The following FRMD4B variants were observed in gnomAD, a reference collection of about 807,000 sequenced individuals.
The protein encoded by FRMD4B is FERM domain-containing protein 4B.
FRMD4B carries 74 observed loss-of-function variants against 141.5 expected under a neutral mutation model. The observed-to-expected ratio is 0.52, with a 90% CI of 0.43 to 0.63. The LOEUF (loss-of-function observed/expected upper bound fraction) is 0.63. FRMD4B is among the 30% of genes least tolerant of loss of function. The probability of loss-of-function intolerance (pLI) is 0.00; values close to 1 mark genes in which losing one functional copy is unlikely to be tolerated. For missense variants in FRMD4B, 1,366 were observed against 1,253.4 expected, an observed-to-expected ratio of 1.09 and a Z score of -1.36; for synonymous variants, 506 against 467.9, an observed-to-expected ratio of 1.08 and a Z score of -1.05.
chr3:69,328,901 A>G (rs1172765943), intron 1 of FRMD4B, among the ~76,000 whole-genome samples: 1 of 152,206 alleles, frequency 6.6e-6, no homozygotes, highest in Non-Finnish European at 1.5e-5. Flanking sequence ...AAATAATCAT[A>G]AAAATAGCCA....
At chr3:69,477,017 G>T (rs1706013793) in intron 1 of FRMD4B, among the ~76,000 whole-genome samples, 1 of 152,074 alleles carries the variant, frequency 6.6e-6, no homozygotes, top group South Asian at 2.1e-4. Flanking sequence ...TCTGTTTTTG[G>T]TGTGTAAGAA....
intron 22 of FRMD4B, 48 bp downstream of exon 22, chr3:69,176,476 T>G: frequency 6.5e-7 from 1 of 1,541,658 alleles, no homozygotes; most frequent in African/African-American, 1.4e-5. Context: ...CCCTGAATTC[T>G]TTTGAACTGG....
At chr3:69,258,614 A>G (rs1039830069) in intron 5 of FRMD4B, among the ~76,000 whole-genome samples, 6 of 152,148 alleles carry the variant, frequency 3.9e-5, no homozygotes, top group African/African-American at 1.4e-4. Flanking sequence ...ATTATTTACT[A>G]TTACCCATAT....
chr3:69,220,701 A>T (rs913644052), intron 9 of FRMD4B, among the ~76,000 whole-genome samples: 9 of 152,080 alleles, frequency 5.9e-5, no homozygotes, highest in Non-Finnish European at 1.3e-4. Flanking sequence ...AAACTACATA[A>T]ATTAGCTGGG....
At chr3:69,524,833 C>T (rs1028683537) in intron 1 of FRMD4B, among the ~76,000 whole-genome samples, 2 of 152,220 alleles carry the variant, frequency 1.3e-5, no homozygotes, top group African/African-American at 4.8e-5. Context: ...AATGTCGCCC[C>T]TACCTTGACA....
At chr3:69,259,379 G>A (rs567343554) in intron 5 of FRMD4B, among the ~76,000 whole-genome samples, 30 of 152,322 alleles carry the variant, frequency 2.0e-4, no homozygotes, top group Non-Finnish European at 4.1e-4. Flanking sequence ...GTGTGGCCCG[G>A]TTCCTAACAG....
chr3:69,367,191 G>A (rs920770591), intron 1 of FRMD4B, among the ~76,000 whole-genome samples: 9 of 152,192 alleles, frequency 5.9e-5, no homozygotes, highest in East Asian at 3.8e-4. Flanking sequence ...GTCTACACAA[G>A]AGCCTGGATC....
At chr3:69,526,113 C>T (rs918984471) in intron 1 of FRMD4B, among the ~76,000 whole-genome samples, 1 of 152,144 alleles carries the variant, frequency 6.6e-6, no homozygotes. Flanking sequence ...TCCTACTTTG[C>T]CAAGCACGGG....
Position 69,298,292 on chromosome 3 carries a change from T to C in FRMD4B, c.416+4051A>G, listed in dbSNP as rs183273365. ...TGCAAAATCATTTTGTATCCCCTGCTCTCTCCTCAATTCTCATAACCAACT... is the reference window on the plus strand; with the variant it reads ...TGCAAAATCATTTTGTATCCCCTGCCCTCTCCTCAATTCTCATAACCAACT... On this transcript the variant is annotated intron_variant, in intron 4 of 22. Coordinates refer to ENST00000398540, the MANE Select transcript of FRMD4B (RefSeq NM_015123.3). Among the ~76,000 whole-genome samples the C allele has an allele frequency of 2.0e-5, 3 of 152,362 alleles. No individual in the cohort carries two copies. In the East Asian group the frequency reaches 5.8e-4, roughly 29 times the overall value.
chr3:69,367,181 G>T (rs1703691222), intron 1 of FRMD4B, among the ~76,000 whole-genome samples: 1 of 152,098 alleles, frequency 6.6e-6, no homozygotes, highest in African/African-American at 2.4e-5. Context: ...TCCAGAAATG[G>T]TCTACACAAG....
intron 1 of FRMD4B, among the ~76,000 whole-genome samples, chr3:69,446,761 C>T (rs937948395): frequency 6.6e-6 from 1 of 152,186 alleles, no homozygotes; most frequent in African/African-American, 2.4e-5. Flanking sequence ...TGTGAATATC[C>T]TCATTGTCAC....
chr3:69,519,447 T>A lies in FRMD4B; in HGVS notation c.-129+22759A>T, dbSNP rs1044759680. On this transcript the variant is annotated intron_variant, in intron 1 of 5. Coordinates refer to the FRMD4B transcript ENST00000459638. ...TGGGTAGAGAGAGAACACTGACCAA[T>A]AACCAGGAATCCCCCTGTTGGAAAG... is the stretch of plus-strand genomic sequence containing the variant. Among the ~76,000 whole-genome samples, 4 of 152,080 alleles carry A rather than the reference T, an allele frequency of 2.6e-5. No individual in the cohort carries two copies. In the South Asian group the frequency reaches 8.3e-4, roughly 32 times the overall value.
At chr3:69,379,952 T>C (rs898884924) in intron 1 of FRMD4B, among the ~76,000 whole-genome samples, 3 of 152,224 alleles carry the variant, frequency 2.0e-5, no homozygotes, top group African/African-American at 4.8e-5. Context: ...CTAGTCCAAC[T>C]AATTTAGAAG....
intron 1 of FRMD4B, among the ~76,000 whole-genome samples, chr3:69,433,343 C>T (rs1705208652): frequency 6.6e-6 from 1 of 152,214 alleles, no homozygotes; most frequent in Non-Finnish European, 1.5e-5. Flanking sequence ...CCCCCAGAAG[C>T]TCCACTTCAG....
At chr3:69,500,892 C>T (rs545156950) in intron 1 of FRMD4B, among the ~76,000 whole-genome samples, 1 of 152,162 alleles carries the variant, frequency 6.6e-6, no homozygotes, top group Admixed American at 6.5e-5. Context: ...GGGAAAGTCA[C>T]GCTCTCCACA....
chr3:69,315,116 C>T (rs148225988), intron 1 of FRMD4B, among the ~76,000 whole-genome samples: 49 of 152,254 alleles, frequency 3.2e-4, no homozygotes, highest in African/African-American at 1.1e-3. Flanking sequence ...ACTATCACCA[C>T]CATAGTTAAG....
At chr3:69,279,989 T>C (rs1224356142) in intron 5 of FRMD4B, among the ~76,000 whole-genome samples, 2 of 152,028 alleles carry the variant, frequency 1.3e-5, no homozygotes, top group Non-Finnish European at 2.9e-5. Context: ...TGTCTTCAGA[T>C]TGCTGATTTA....
intron 1 of FRMD4B, among the ~76,000 whole-genome samples, chr3:69,520,751 C>T (rs1019696639): frequency 5.3e-5 from 8 of 152,096 alleles, no homozygotes; most frequent in Non-Finnish European, 1.2e-4. Flanking sequence ...GGCCACTTCC[C>T]AATCCTTGCT....
intron 22 of FRMD4B, among the ~76,000 whole-genome samples, chr3:69,173,265 A>T (rs1010569519): frequency 5.3e-5 from 8 of 152,220 alleles, no homozygotes; most frequent in Admixed American, 6.5e-5. Context: ...GGTAGCTTCA[A>T]CATTTCTACT....
Sources: gnomAD v4.1 joint callset for allele counts (sites outside exome capture counted in the v4.1 genomes callset) on GRCh38, gnomAD v4.1.1 for gene constraint, MANE v1.5 for transcripts, NCBI Gene and HGNC (gene_info 2026-07-23, HGNC 2026-07-21) for gene names.